Variants in LRCH2 observed in about 807,000 individuals in gnomAD.
LRCH2 encodes the protein leucine rich repeats and calponin homology domain containing 2.
A neutral mutation model predicts 68.9 loss-of-function variants in LRCH2; 38 were observed. That is an observed-to-expected ratio of 0.55 (90% CI 0.43 to 0.72). LRCH2 has a LOEUF of 0.72. Ranked by LOEUF, LRCH2 falls within the 30% of genes least tolerant of loss-of-function variation. LRCH2 has a pLI of 0.00. For synonymous variants in LRCH2, 191 were observed against 208.1 expected (o/e 0.92, Z 0.71); for missense variants, 528 against 572.9 (o/e 0.92, Z 0.80).
intron 6 of LRCH2, 32 bp downstream of exon 6, chrX:115,170,267 C>T (rs368736853): frequency 1.8e-6 from 2 of 1,123,978 alleles, no homozygotes; most frequent in African/African-American, 3.7e-5. Flanking sequence ...AGACAGCAAT[C>T]ATCAAATGAA....
At chrX:115,196,078 CAATCA>C (rs2072885403) in intron 1 of LRCH2, among the ~76,000 whole-genome samples, 1 of 111,435 alleles carries the variant, frequency 9.0e-6, no homozygotes, top group South Asian at 3.8e-4. Flanking sequence ...GGGAATCCCA[CAATCA>C]AAACTAAGAA....
rs192211778 is a variant in LRCH2, at chrX:115,131,958, C to T, written c.1696-1759G>A. On this transcript the variant is annotated intron_variant, in intron 14 of 20. Transcript: ENST00000317135. The stretch of plus-strand genomic sequence containing the variant: ...GTTTGATTTTTGCTTGTAAATTTGT[C>T]TGAGTTCTTTGTAGATTCTGGATAT... Among the ~76,000 whole-genome samples, 191 of 111,697 alleles carry T rather than the reference C, an allele frequency of 1.7e-3. 2 individuals carry two copies. The highest frequency in any genetic ancestry group is 5.9e-3 in the African/African-American group (182 of 30,807).
intron 1 of LRCH2, among the ~76,000 whole-genome samples, chrX:115,226,871 C>CAA (rs2073122338): frequency 1.8e-5 from 2 of 111,306 alleles, no homozygotes; most frequent in South Asian, 7.6e-4. Context: ...CTCTAAAGGC[C>CAA]AATCCTCCAA....
At chrX:115,226,436 A>G (rs1216207191) in intron 1 of LRCH2, among the ~76,000 whole-genome samples, 1 of 111,613 alleles carries the variant, frequency 9.0e-6, no homozygotes, top group African/African-American at 3.3e-5. Context: ...TGTTTTAGTA[A>G]CACATGACAA....
chrX:115,130,075 G>A, intron 15 of LRCH2, 80 bp downstream of exon 15: 2 of 492,585 alleles, frequency 4.1e-6, no homozygotes, highest in South Asian at 4.1e-5. Context: ...CTGAAAAATG[G>A]ATTACATTTT....
At chrX:115,174,037 T>A (rs190269743) in intron 5 of LRCH2, among the ~76,000 whole-genome samples, 280 of 112,122 alleles carry the variant, frequency 2.5e-3, no homozygotes, top group African/African-American at 8.4e-3. Context: ...AACAGTAGGC[T>A]ATTAGCAGCT....
chrX:115,214,258 G>C (rs1422553666), intron 1 of LRCH2, among the ~76,000 whole-genome samples: 3 of 112,107 alleles, frequency 2.7e-5, no homozygotes, highest in African/African-American at 9.7e-5. Flanking sequence ...AACAAAAGCA[G>C]CAAGAAAACA....
intron 20 of LRCH2, among the ~76,000 whole-genome samples, chrX:115,122,210 A>G (rs2072149908): frequency 9.1e-6 from 1 of 110,363 alleles, no homozygotes; most frequent in African/African-American, 3.3e-5. Flanking sequence ...CTAGCAAAAA[A>G]AAAAAAAAAA....
chrX:115,166,152 T>A (rs1556544883), intron 7 of LRCH2, 103 bp downstream of exon 7: 1 of 665,882 alleles, frequency 1.5e-6, no homozygotes, highest in Non-Finnish European at 2.3e-6. Flanking sequence ...AATATAATGA[T>A]CATATTTTCA....
At chrX:115,188,640 G>A (rs939989113) in intron 1 of LRCH2, among the ~76,000 whole-genome samples, 4 of 111,514 alleles carry the variant, frequency 3.6e-5, no homozygotes, top group African/African-American at 1.3e-4. Flanking sequence ...AGACCAGCCT[G>A]GCCAACATGG....
At chrX:115,215,633 T>A (rs5946047) in intron 1 of LRCH2, among the ~76,000 whole-genome samples, 1 of 107,307 alleles carries the variant, frequency 9.3e-6, no homozygotes, top group Admixed American at 1.0e-4. Context: ...AGGTGCCGTG[T>A]GCCTGTAGTC....
chrX:115,162,046 A>G (rs1413800331), intron 11 of LRCH2, among the ~76,000 whole-genome samples: 1 of 106,453 alleles, frequency 9.4e-6, no homozygotes, highest in African/African-American at 3.4e-5. Flanking sequence ...CAGCCTCCCA[A>G]GTGGCTAGGA....
rs183677619 is a variant in LRCH2, at chrX:115,191,191, C to T, written c.350-2821G>A. The T allele has an allele frequency of 1.8e-3, 2,091 of 1,153,788 alleles. 21 individuals are homozygous for T. In the African/African-American group the frequency reaches 0.032, roughly 18 times the overall value. On this transcript the variant is annotated intron_variant, in intron 1 of 20. Coordinates refer to ENST00000317135, the MANE Select transcript of LRCH2 (RefSeq NM_020871.4). ...CCACGACAGTTCCAGCCAGAGCAACCGCTACGGAGGAGGAGGCTGCTACGA... is the reference window on the plus strand; with the variant it reads ...CCACGACAGTTCCAGCCAGAGCAACTGCTACGGAGGAGGAGGCTGCTACGA...
chrX:115,155,658 T>A (rs782712030), intron 12 of LRCH2, among the ~76,000 whole-genome samples: 6 of 111,965 alleles, frequency 5.4e-5, no homozygotes, highest in Non-Finnish European at 1.1e-4. Flanking sequence ...TGTGTGCTAA[T>A]CACCGTCATA....
chrX:115,174,178 T>C (rs899323019), intron 5 of LRCH2, among the ~76,000 whole-genome samples: 22 of 111,676 alleles, frequency 2.0e-4, no homozygotes, highest in African/African-American at 7.2e-4. Context: ...TCAAGCTAAT[T>C]AACATGCCCA....
intron 5 of LRCH2, among the ~76,000 whole-genome samples, chrX:115,178,145 C>T (rs2072665209): frequency 9.1e-6 from 1 of 110,434 alleles, no homozygotes; most frequent in Admixed American, 9.7e-5. Flanking sequence ...ACTGAGCTAA[C>T]GGAGAAAACC....
intron 11 of LRCH2, among the ~76,000 whole-genome samples, chrX:115,160,461 A>G (rs1272420539): frequency 1.8e-5 from 2 of 112,428 alleles, no homozygotes; most frequent in Non-Finnish European, 3.8e-5. Flanking sequence ...ACATGGCTTC[A>G]TTTAGCTGAG....
chrX:115,209,698 G>A (rs1315570241), intron 1 of LRCH2, among the ~76,000 whole-genome samples: 3 of 112,084 alleles, frequency 2.7e-5, no homozygotes, highest in Non-Finnish European at 3.8e-5. Flanking sequence ...ACAGTTCAGA[G>A]GGCTCAGAAG....
intron 11 of LRCH2, among the ~76,000 whole-genome samples, chrX:115,161,930 GT>G (rs71986178): frequency 0.012 from 977 of 82,779 alleles, 9 homozygotes; most frequent in African/African-American, 0.032. Context: ...AGGCCTGTCG[GT>G]TTTTTTTTTT....
Sources: gnomAD v4.1 joint callset for allele counts (sites outside exome capture counted in the v4.1 genomes callset) on GRCh38, gnomAD v4.1.1 for gene constraint, MANE v1.5 for transcripts, NCBI Gene and HGNC (gene_info 2026-07-23, HGNC 2026-07-21) for gene names.